Variants in ANKS6 observed in about 807,000 individuals in gnomAD.
The protein encoded by ANKS6 is ankyrin repeat and sterile alpha motif domain containing 6.
ANKS6 carries 47 observed loss-of-function variants against 77.9 expected under a neutral mutation model. That is an observed-to-expected ratio of 0.60 (90% CI 0.48 to 0.77). The LOEUF (loss-of-function observed/expected upper bound fraction) is 0.77. ANKS6 is among the 30% of genes least tolerant of loss of function. The probability of loss-of-function intolerance (pLI) is 0.00; values close to 1 mark genes in which losing one functional copy is unlikely to be tolerated. For synonymous variants in ANKS6, 488 were observed against 501.7 expected (o/e 0.97, Z 0.37); for missense variants, 1,150 against 1,159.1 (o/e 0.99, Z 0.11).
chr9:98,774,990 G>A (rs1016357664), intron 8 of ANKS6, among the ~76,000 whole-genome samples: 1 of 152,214 alleles, frequency 6.6e-6, no homozygotes, highest in Non-Finnish European at 1.5e-5. Context: ...GCACACTGGC[G>A]CCCTCTACAG....
At chr9:98,747,658 G>A (rs985441729) in intron 13 of ANKS6, among the ~76,000 whole-genome samples, 1 of 152,014 alleles carries the variant, frequency 6.6e-6, no homozygotes, top group Non-Finnish European at 1.5e-5. Context: ...CACATCCAGC[G>A]TGGCACCATG....
At chr9:98,771,498 C>A (rs1233578938) in intron 9 of ANKS6, among the ~76,000 whole-genome samples, 1 of 152,218 alleles carries the variant, frequency 6.6e-6, no homozygotes, top group Non-Finnish European at 1.5e-5. Context: ...CTCCTCCCCA[C>A]ATCCTTTATG....
At chr9:98,777,483 T>C (rs758108400) in intron 7 of ANKS6, 29 bp from the exon 8 acceptor site, 3 of 1,612,724 alleles carry the variant, frequency 1.9e-6, no homozygotes, top group Non-Finnish European at 8.5e-7. Context: ...TTTCCTGAAA[T>C]GACCCCTCCA....
At chr9:98,758,637 ACTCT>A (rs573687165) in intron 11 of ANKS6, among the ~76,000 whole-genome samples, 21 of 152,102 alleles carry the variant, frequency 1.4e-4, no homozygotes, top group East Asian at 5.8e-4. Flanking sequence ...TGTGTGTGCA[ACTCT>A]CTGTGTATTT....
At chr9:98,779,421 G>C (rs1834105294) in intron 6 of ANKS6, among the ~76,000 whole-genome samples, 1 of 152,150 alleles carries the variant, frequency 6.6e-6, no homozygotes, top group Non-Finnish European at 1.5e-5. Flanking sequence ...CTTGGGAAGA[G>C]AAGTGTTTGC....
At position 98,784,023 on chromosome 9, in the gene ANKS6, T is replaced by C; in HGVS notation, c.1042A>G (p.Arg348Gly). 6.2e-7 allele frequency: 1 copy of C among 1,611,206 alleles called. No individual in the cohort carries two copies. Among genetic ancestry groups the C allele is most frequent in the Non-Finnish European group, 8.5e-7 (1 of 1,179,250 alleles). The change falls in exon 4 of 15, where the codon AGG becomes GGG. Residue 348 changes from arginine to glycine, a missense_variant. Coordinates refer to ENST00000353234, the MANE Select transcript of ANKS6 (RefSeq NM_173551.5). ...TCCTGCTTGTCAACATCCGCGTGCC[T>C]CTCCACCAGCAGCTGCACCAGAGCC... is the stretch of plus-strand genomic sequence containing the variant. The part of the protein sequence containing the change: ...QLALVQLLVE[R>G]HADVDKQDSV...
At chr9:98,759,554 G>A (rs1832902725) in intron 11 of ANKS6, among the ~76,000 whole-genome samples, 1 of 152,168 alleles carries the variant, frequency 6.6e-6, no homozygotes, top group Non-Finnish European at 1.5e-5. Context: ...CTATAAATCA[G>A]AGTTCCCACA....
intron 12 of ANKS6, among the ~76,000 whole-genome samples, chr9:98,752,813 G>A (rs1832502242): frequency 6.6e-6 from 1 of 152,194 alleles, no homozygotes; most frequent in African/African-American, 2.4e-5. Context: ...GGTGGTGCAT[G>A]CTATGGTGAA....
chr9:98,796,137 C>A lies in ANKS6; in HGVS notation c.355G>T (p.Ala119Ser). 7.3e-7 allele frequency: 1 copy of A among 1,378,242 alleles called. No homozygotes were observed. The highest frequency in any genetic ancestry group is 9.4e-7 in the Non-Finnish European group (1 of 1,065,476). The allele number at this position is 1,378,242 out of a possible 1,614,324, so 85.4% of individuals were successfully genotyped here. ...HYGWSALMQA[A>S]RFGHVSVAHL... ...CCCCGGGCCCCGCCGCCTCACCTGGCCGCCTGCATGAGCGCGCTCCAGCCG... is the reference window on the plus strand; with the variant it reads ...CCCCGGGCCCCGCCGCCTCACCTGGACGCCTGCATGAGCGCGCTCCAGCCG... The change falls in exon 1 of 15, where the codon GCC becomes TCC. Residue 119 changes from alanine (A) to serine (S), a missense_variant. Coordinates refer to ENST00000353234, the MANE Select transcript of ANKS6 (RefSeq NM_173551.5).
chr9:98,790,178 T>C lies in ANKS6; in HGVS notation c.788A>G (p.Glu263Gly). 1 of 1,601,798 alleles carries C rather than the reference T, an allele frequency of 6.2e-7. No individual in the cohort carries two copies. Among genetic ancestry groups the C allele is most frequent in the East Asian group, 2.2e-5 (1 of 44,448 alleles). ...CCTGTGCTTGCAGTCCAGTGCAACC[T>C]CGAAGGCGGTCTTCTCCAGCACGCT... ...HLSVLEKTAFEVALDCKHRDL... is the reference protein window; with the variant it reads ...HLSVLEKTAFGVALDCKHRDL... The change falls in exon 2 of 15, where the codon GAG (glutamate) becomes GGG (glycine). Residue 263 changes from glutamate (E) to glycine (G), a missense_variant. Physicochemically the swap from Glu to Gly is moderately conservative, Grantham distance 98. Transcript: ENST00000353234.
rs966345360 is a variant in ANKS6, at chr9:98,775,181, T to C, written c.1618-1101A>G. Reference sequence around the variant, plus strand: ...AAATCCACCACCACAAAAGGGTATTTTCCCTCCCTGGGGTAACAGTCTAAA... The same window carrying C: ...AAATCCACCACCACAAAAGGGTATTCTCCCTCCCTGGGGTAACAGTCTAAA... On this transcript the variant is annotated intron_variant, in intron 8 of 14. Coordinates refer to ENST00000353234, the MANE Select transcript of ANKS6 (RefSeq NM_173551.5). Among the ~76,000 whole-genome samples the C allele has an allele frequency of 9.5e-4, 145 of 152,252 alleles. 16 individuals are homozygous for C. Among genetic ancestry groups the C allele is most frequent in the Non-Finnish European group, 4.4e-5 (3 of 68,040 alleles).
intron 14 of ANKS6, among the ~76,000 whole-genome samples, chr9:98,744,489 A>T (rs967893349): frequency 6.6e-6 from 1 of 152,204 alleles, no homozygotes; most frequent in Non-Finnish European, 1.5e-5. Context: ...AAGTGTAAGG[A>T]CATCGGCCTC....
intron 9 of ANKS6, among the ~76,000 whole-genome samples, chr9:98,772,163 G>A (rs1833676106): frequency 6.6e-6 from 1 of 152,220 alleles, no homozygotes; most frequent in Non-Finnish European, 1.5e-5. Context: ...TACCTAAGAT[G>A]TGCCCAAGTC....
chr9:98,741,270 C>T (rs1006519856), intron 14 of ANKS6, among the ~76,000 whole-genome samples: 7 of 152,098 alleles, frequency 4.6e-5, no homozygotes, highest in African/African-American at 1.7e-4. Context: ...GATATAAATA[C>T]GGACCCAAAT....
intron 14 of ANKS6, among the ~76,000 whole-genome samples, chr9:98,739,901 G>A (rs889111324): frequency 4.6e-5 from 7 of 151,112 alleles, no homozygotes; most frequent in African/African-American, 7.3e-5. Context: ...GACTACAGGC[G>A]CCCGCCACCT....
At position 98,796,328 on chromosome 9, in the gene ANKS6, GC is replaced by G; in HGVS notation, c.163del (p.Ala55ProfsTer70). 8.3e-7 allele frequency: 1 copy of G among 1,206,348 alleles called. No individual in the cohort carries two copies. The highest frequency in any genetic ancestry group is 1.0e-6 in the Non-Finnish European group (1 of 972,844). 74.7% of individuals were successfully genotyped at this position (1,206,348 alleles called of 1,614,324 possible). ...AGAEPAGAEV[A>X]GPGAAAAGAV... ...CCCCGCCGCTGCGGCCCCGGGCCCG[GC>G]CACCTCGGCCCCCGCCGGCTCCGCG... On this transcript the variant is annotated frameshift_variant, in exon 1 of 15. Transcript: ENST00000353234. LOFTEE classifies it high-confidence loss of function.
At chr9:98,775,409 A>C (rs1173597940) in intron 8 of ANKS6, among the ~76,000 whole-genome samples, 2 of 152,254 alleles carry the variant, frequency 1.3e-5, no homozygotes, top group African/African-American at 4.8e-5. Context: ...ACGTTCCTAC[A>C]CTAGAATGTT....
At chr9:98,766,145 T>C (rs1266189218) in intron 11 of ANKS6, among the ~76,000 whole-genome samples, 2 of 152,230 alleles carry the variant, frequency 1.3e-5, no homozygotes, top group Admixed American at 6.5e-5. Context: ...TAACATTATG[T>C]TATAAATGTC....
rs1040324636 is a variant in ANKS6, at chr9:98,796,508, G to C, written c.-17C>G. Reference sequence around the variant, plus strand: ...CTCGCCCATCGCCGCCGCCACGCGCGGCCCGCTCCCGTCCGCCCCGCCGGC... The same window carrying C: ...CTCGCCCATCGCCGCCGCCACGCGCCGCCCGCTCCCGTCCGCCCCGCCGGC... On this transcript the variant is annotated 5_prime_UTR_variant, in exon 1 of 15. Transcript: ENST00000353234. 1.3e-5 allele frequency: 13 copies of C among 986,670 alleles called. No individual in the cohort carries two copies. The Admixed American group carries it at 3.1e-4, about 24-fold the overall frequency. The allele number at this position is 986,670 out of a possible 1,614,324, so 61.1% of individuals were successfully genotyped here.
Sources: allele counts gnomAD v4.1 joint callset (sites outside exome capture counted in the v4.1 genomes callset), GRCh38; gene constraint gnomAD v4.1.1; transcripts MANE v1.5; gene names NCBI Gene and HGNC (gene_info 2026-07-23, HGNC 2026-07-21).